Variants in LPP observed in about 807,000 individuals in gnomAD.
LPP encodes the protein LIM domain containing preferred translocation partner in lipoma.
A neutral mutation model predicts 60.4 loss-of-function variants in LPP; 38 were observed. That is an observed-to-expected ratio of 0.63 (90% CI 0.49 to 0.83). LPP has a LOEUF of 0.83. Ranked by LOEUF, LPP falls within the 40% of genes least tolerant of loss-of-function variation. The pLI is 0.00. For missense variants in LPP, 902 were observed against 783.6 expected, an observed-to-expected ratio of 1.15 and a Z score of -1.80; for synonymous variants, 328 against 290.8, an observed-to-expected ratio of 1.13 and a Z score of -1.30.
chr3:188,772,347 C>T (rs749560574), intron 9 of LPP, among the ~76,000 whole-genome samples: 8 of 152,126 alleles, frequency 5.3e-5, no homozygotes, highest in Non-Finnish European at 1.0e-4. Context: ...TCTGAACATG[C>T]AAGGTTTTCA....
At chr3:188,330,101 C>T (rs1759583239) in intron 2 of LPP, among the ~76,000 whole-genome samples, 1 of 152,124 alleles carries the variant, frequency 6.6e-6, no homozygotes, top group African/African-American at 2.4e-5. Context: ...AAAACTTGCT[C>T]TTAACTTTGC....
At chr3:188,346,435 T>A (rs904382454) in intron 3 of LPP, among the ~76,000 whole-genome samples, 2 of 150,962 alleles carry the variant, frequency 1.3e-5, no homozygotes, top group African/African-American at 4.9e-5. Flanking sequence ...AATTTTTTTT[T>A]TTTTTTTTAA....
intron 8 of LPP, among the ~76,000 whole-genome samples, chr3:188,739,715 A>G (rs1269643579): frequency 6.6e-6 from 1 of 152,030 alleles, no homozygotes; most frequent in Non-Finnish European, 1.5e-5. Context: ...CATGGATATA[A>G]CTGTGTTATC....
chr3:188,283,579 G>C (rs888298248), intron 2 of LPP, among the ~76,000 whole-genome samples: 3 of 152,106 alleles, frequency 2.0e-5, no homozygotes, highest in Non-Finnish European at 4.4e-5. Flanking sequence ...ACTGCTTCTA[G>C]TGGCTCATTC....
intron 3 of LPP, among the ~76,000 whole-genome samples, chr3:188,359,664 C>T (rs564334044): frequency 9.9e-5 from 15 of 152,256 alleles, no homozygotes; most frequent in Middle Eastern, 6.8e-3. Flanking sequence ...TTCCTCTATA[C>T]GTGAGGACAG....
In LPP at chr3:188,889,979, C is replaced by T. The variant is rs1771075880; in HGVS notation, c.*15500C>T. ...GTAATGTCATAAGGATGTTGGGATA[C>T]AGAGATTTTTTTTTTCCTTGGAAAC... On this transcript the variant is annotated 3_prime_UTR_variant, in exon 12 of 12. Transcript: ENST00000617246. 1 of 211,718 alleles carries T rather than the reference C, an allele frequency of 4.7e-6. No homozygotes were observed. The highest frequency in any genetic ancestry group is 5.9e-5 in the Admixed American group (1 of 17,012). The allele number at this position is 211,718 out of a possible 1,614,324, so 13.1% of individuals were successfully genotyped here. A position where few individuals can be genotyped will look rare whatever the true frequency, so the allele number is the denominator to read the frequency against.
intron 2 of LPP, among the ~76,000 whole-genome samples, chr3:188,266,314 T>A (rs1172265349): frequency 6.6e-6 from 1 of 152,180 alleles, no homozygotes; most frequent in Non-Finnish European, 1.5e-5. Context: ...GTTTTCTAGT[T>A]GAACGCACAG....
At chr3:188,862,934 G>T (rs1422042456) in intron 9 of LPP, among the ~76,000 whole-genome samples, 1 of 151,586 alleles carries the variant, frequency 6.6e-6, no homozygotes, top group Non-Finnish European at 1.5e-5. Flanking sequence ...TCCAATATTT[G>T]TATGAAGCGT....
intron 1 of LPP, among the ~76,000 whole-genome samples, chr3:188,192,291 T>C (rs1728396469): frequency 6.6e-6 from 1 of 152,156 alleles, no homozygotes; most frequent in African/African-American, 2.4e-5. Flanking sequence ...AGAGAGATCA[T>C]GGGCAAGAAC....
intron 5 of LPP, among the ~76,000 whole-genome samples, chr3:188,513,872 G>A (rs778421643): frequency 5.3e-5 from 8 of 152,140 alleles, no homozygotes; most frequent in Non-Finnish European, 1.0e-4. Context: ...TACGGGTTTA[G>A]TCTGATGGCT....
At chr3:188,180,720 CTAAA>C (rs1367006739) in intron 1 of LPP, 1 of 152,216 alleles carries the variant, frequency 6.6e-6, no homozygotes, top group East Asian at 1.9e-4. Context: ...ATTTTACTGA[CTAAA>C]TATTACTATA....
At chr3:188,697,923 A>G (rs186860917) in intron 7 of LPP, among the ~76,000 whole-genome samples, 1 of 146,980 alleles carries the variant, frequency 6.8e-6, no homozygotes, top group East Asian at 1.9e-4. Context: ...TGACAATCCA[A>G]GTATCTAAAA....
chr3:188,712,019 G>A (rs1414896129), intron 8 of LPP: 1 of 152,182 alleles, frequency 6.6e-6, no homozygotes, highest in Non-Finnish European at 1.5e-5. Flanking sequence ...CACGTGAGAA[G>A]TAGCAAATAT....
chr3:188,708,336 C>T lies in LPP; in HGVS notation c.1183C>T (p.His395Tyr). The T allele has an allele frequency of 6.2e-7, 1 of 1,614,174 alleles. No homozygotes were observed. Among genetic ancestry groups the T allele is most frequent in the Non-Finnish European group, 8.5e-7 (1 of 1,180,006 alleles). The change falls in exon 8 of 12, where the codon CAC becomes TAC. Residue 395 changes from histidine (H) to tyrosine (Y), a missense_variant. His to Tyr is a moderately conservative substitution (Grantham distance 83). Coordinates refer to ENST00000617246, the MANE Select transcript of LPP (RefSeq NM_001375462.1). ...PSFRPEDELE[H>Y]LTKKMLYDME... ...ATTCCGCCCAGAGGATGAGCTTGAG[C>T]ACCTGACCAAAAAGATGCTGTATGA... is the stretch of plus-strand genomic sequence containing the variant.
At chr3:188,841,013 G>A (rs1759823509) in intron 9 of LPP, among the ~76,000 whole-genome samples, 1 of 152,102 alleles carries the variant, frequency 6.6e-6, no homozygotes, top group Admixed American at 6.6e-5. Context: ...CCCAGTGCAG[G>A]AGGTACTGTG....
chr3:188,561,313 C>G (rs539123246), intron 6 of LPP, among the ~76,000 whole-genome samples: 2 of 151,956 alleles, frequency 1.3e-5, no homozygotes, highest in Non-Finnish European at 2.9e-5. Context: ...AGAGTGGTCC[C>G]CTTGATACTT....
chr3:188,748,419 T>C (rs920178008), intron 8 of LPP, among the ~76,000 whole-genome samples: 2 of 152,188 alleles, frequency 1.3e-5, no homozygotes, highest in Non-Finnish European at 2.9e-5. Flanking sequence ...GTGGTGCAGC[T>C]TGAATCAAAA....
chr3:188,375,729 A>T (rs1178248325), intron 3 of LPP, among the ~76,000 whole-genome samples: 1 of 151,604 alleles, frequency 6.6e-6, no homozygotes, highest in African/African-American at 2.4e-5. Context: ...GATCTTAGTT[A>T]TTTCTTGCCT....
intron 7 of LPP, among the ~76,000 whole-genome samples, chr3:188,636,390 T>A (rs57164529): frequency 1.3e-5 from 2 of 152,076 alleles, no homozygotes; most frequent in African/African-American, 4.8e-5. Context: ...ATCCCGCACC[T>A]TGCTCGGAGG....
Sources: allele counts gnomAD v4.1 joint callset (sites outside exome capture counted in the v4.1 genomes callset), GRCh38; gene constraint gnomAD v4.1.1; transcripts MANE v1.5; gene names NCBI Gene and HGNC (gene_info 2026-07-23, HGNC 2026-07-21).